TBC1D5: variants seen among roughly 807,000 people sequenced by gnomAD.
TBC1D5 encodes TBC1 domain family member 5.
TBC1D5 carries 75 observed loss-of-function variants against 100.3 expected under a neutral mutation model. That is an observed-to-expected ratio of 0.75 (90% CI 0.62 to 0.91). The LOEUF is 0.91. Ranked by LOEUF, TBC1D5 falls within the 40% of genes least tolerant of loss-of-function variation. The probability of loss-of-function intolerance (pLI) is 0.00; values close to 1 mark genes in which losing one functional copy is unlikely to be tolerated. For synonymous variants in TBC1D5, 323 were observed against 325.6 expected (o/e 0.99, Z 0.09); for missense variants, 910 against 942.4 (o/e 0.97, Z 0.45).
At position 17,328,982 on chromosome 3, in the gene TBC1D5, A is replaced by G. The variant is rs2151104485; in HGVS notation, c.996-20848T>C. On this transcript the variant is annotated intron_variant, in intron 13 of 21. Transcript: ENST00000253692. ...AAATGTTTGGTGGGTAACACTGAGG[A>G]AAGAGGAAAAAAGGAGTTGGAGGAA... Among the ~76,000 whole-genome samples the G allele has an allele frequency of 2.6e-5, 4 of 152,318 alleles. No individual in the cohort carries two copies. The Middle Eastern group carries it at 0.014, about 518-fold the overall frequency.
At chr3:17,480,559 T>A (rs2095490407) in intron 3 of TBC1D5, among the ~76,000 whole-genome samples, 1 of 152,174 alleles carries the variant, frequency 6.6e-6, no homozygotes. Context: ...CAATTCATGG[T>A]GACAAACTGC....
At chr3:17,707,315 T>C (rs1577677082) in intron 1 of TBC1D5, among the ~76,000 whole-genome samples, 1 of 152,118 alleles carries the variant, frequency 6.6e-6, no homozygotes, top group Non-Finnish European at 1.5e-5. Context: ...CACTATGACA[T>C]TATATCCATT....
rs536082264 is a variant in TBC1D5, at chr3:17,689,556, A to T, written c.-101+49787T>A. 1.0e-3 allele frequency among the ~76,000 whole-genome samples: 158 copies of T among 151,950 alleles called. 1 individual carries two copies. The highest frequency in any genetic ancestry group is 3.7e-3 in the African/African-American group (153 of 41,486). ...AAAAAAGAAAAGAAAAAGAGAAAAA[A>T]GGGAGGGAGGGGAATTCATAACAAA... On this transcript the variant is annotated intron_variant, in intron 1 of 21. Coordinates refer to ENST00000253692, the Ensembl canonical transcript of TBC1D5.
chr3:17,617,788 G>C (rs1437789251), intron 2 of TBC1D5, among the ~76,000 whole-genome samples: 1 of 152,264 alleles, frequency 6.6e-6, no homozygotes, highest in African/African-American at 2.4e-5. Flanking sequence ...ATTCTAGTTA[G>C]CCATTCGTCT....
chr3:17,664,566 TG>T (rs2067021520), intron 1 of TBC1D5, among the ~76,000 whole-genome samples: 1 of 152,088 alleles, frequency 6.6e-6, no homozygotes. Flanking sequence ...TGCATTCTGA[TG>T]GGGAGGGAGA....
intron 14 of TBC1D5, among the ~76,000 whole-genome samples, chr3:17,307,255 A>G (rs1438487609): frequency 2.0e-5 from 3 of 152,184 alleles, no homozygotes; most frequent in Non-Finnish European, 2.9e-5. Context: ...TAATTCAATC[A>G]CATAATTTTG....
intron 1 of TBC1D5, among the ~76,000 whole-genome samples, chr3:17,661,810 A>C (rs768702808): frequency 4.6e-5 from 7 of 152,086 alleles, no homozygotes; most frequent in African/African-American, 7.2e-5. Context: ...CATCTTCTTA[A>C]AAGTGTTTTT....
intron 2 of TBC1D5, among the ~76,000 whole-genome samples, chr3:17,557,512 C>T (rs1250665303): frequency 6.6e-6 from 1 of 152,166 alleles, no homozygotes; most frequent in African/African-American, 2.4e-5. Context: ...CATTTATGGT[C>T]TACCTTCTGG....
In TBC1D5 at chr3:17,532,082, C is replaced by T. The variant is rs1458116441; in HGVS notation, c.-35-23477G>A. 2.6e-5 allele frequency among the ~76,000 whole-genome samples: 4 copies of T among 152,290 alleles called. No homozygotes were observed. The East Asian group carries it at 7.7e-4, about 29-fold the overall frequency. On this transcript the variant is annotated intron_variant, in intron 2 of 21. Coordinates refer to ENST00000253692, the Ensembl canonical transcript of TBC1D5. ...AATGGGAGAACGTTTTTGCAATCTACTCATCTGACAGAGGGCTAATATCCA... is the reference window on the plus strand; with the variant it reads ...AATGGGAGAACGTTTTTGCAATCTATTCATCTGACAGAGGGCTAATATCCA...
At chr3:17,656,021 T>G (rs2066026889) in intron 1 of TBC1D5, among the ~76,000 whole-genome samples, 2 of 152,226 alleles carry the variant, frequency 1.3e-5, no homozygotes, top group Admixed American at 1.3e-4. Context: ...ATACAGCTAT[T>G]ATGCAGCAAA....
At chr3:17,269,053 C>T (rs2079109517) in intron 15 of TBC1D5, among the ~76,000 whole-genome samples, 1 of 152,098 alleles carries the variant, frequency 6.6e-6, no homozygotes, top group Admixed American at 6.6e-5. Context: ...GGATTTAACC[C>T]CTCTGATACT....
At chr3:17,536,409 TTA>T (rs2096282016) in intron 2 of TBC1D5, among the ~76,000 whole-genome samples, 1 of 152,206 alleles carries the variant, frequency 6.6e-6, no homozygotes, top group African/African-American at 2.4e-5. Context: ...ATTTACCAAC[TTA>T]TCCATTTAAG....
At chr3:17,555,243 T>C (rs775179766) in intron 2 of TBC1D5, among the ~76,000 whole-genome samples, 2 of 152,176 alleles carry the variant, frequency 1.3e-5, no homozygotes, top group Non-Finnish European at 2.9e-5. Context: ...ATTTAGAAGT[T>C]TATTTTGCCA....
intron 1 of TBC1D5, among the ~76,000 whole-genome samples, chr3:17,703,517 A>T (rs548457473): frequency 4.7e-4 from 72 of 152,294 alleles, no homozygotes; most frequent in Non-Finnish European, 4.4e-5. Context: ...CACAAAGCCA[A>T]AATTCTTTAT....
intron 19 of TBC1D5, among the ~76,000 whole-genome samples, chr3:17,170,806 C>A (rs1339555036): frequency 6.6e-6 from 1 of 152,164 alleles, no homozygotes; most frequent in Non-Finnish European, 1.5e-5. Context: ...AGAACCCTGG[C>A]ATCATCTTGG....
chr3:17,273,140 T>C (rs2149719286), intron 15 of TBC1D5, among the ~76,000 whole-genome samples: 1 of 152,270 alleles, frequency 6.6e-6, no homozygotes, highest in Non-Finnish European at 1.5e-5. Context: ...AAATCTCAGT[T>C]GATTTCTCTG....
chr3:17,466,330 T>C (rs1045445480), intron 3 of TBC1D5, among the ~76,000 whole-genome samples: 3 of 152,156 alleles, frequency 2.0e-5, no homozygotes, highest in Non-Finnish European at 4.4e-5. Context: ...CTAGATGAAA[T>C]GCACAGCCTC....
At chr3:17,627,538 T>C (rs2063154403) in intron 1 of TBC1D5, among the ~76,000 whole-genome samples, 1 of 151,972 alleles carries the variant, frequency 6.6e-6, no homozygotes, top group Admixed American at 6.6e-5. Flanking sequence ...ACAGAAGGAA[T>C]AACTCAAAAA....
chr3:17,403,203 T>A, exon 8 of TBC1D5: 1 of 1,592,000 alleles, frequency 6.3e-7, no homozygotes, highest in African/African-American at 1.3e-5. Flanking sequence ...TCTTGTTCAA[T>A]CATTGATCGA....
Sources: allele counts gnomAD v4.1 joint callset (sites outside exome capture counted in the v4.1 genomes callset), GRCh38; gene constraint gnomAD v4.1.1; transcripts MANE v1.5; gene names NCBI Gene and HGNC (gene_info 2026-07-23, HGNC 2026-07-21).